Variants in APC observed in about 807,000 individuals in gnomAD.
The protein encoded by APC is adenomatous polyposis coli protein.
In APC, 72 loss-of-function variants were observed where a neutral mutation model predicts 247.0. That is an observed-to-expected ratio of 0.29 (90% CI 0.24 to 0.35). APC has a LOEUF of 0.35. APC is among the 10% of genes least tolerant of loss of function. The pLI, the probability that APC is intolerant of heterozygous loss-of-function variation, is 1.00. For missense variants in APC, 3,400 were observed against 3,360.7 expected (o/e 1.01, Z -0.29); for synonymous variants, 1,254 against 1,162.5 (o/e 1.08, Z -1.60).
At chr5:112,793,052 A>T (rs1187896859) in intron 7 of APC, among the ~76,000 whole-genome samples, 3 of 152,072 alleles carry the variant, frequency 2.0e-5, no homozygotes, top group African/African-American at 7.2e-5. Flanking sequence ...AAAAGTCATG[A>T]AGCAACTAGA....
chr5:112,802,963 A>G (rs1432261329), intron 8 of APC, among the ~76,000 whole-genome samples: 2 of 152,136 alleles, frequency 1.3e-5, no homozygotes, highest in African/African-American at 4.8e-5. Context: ...TTTAAAAATA[A>G]AATTAAAATG....
intron 15 of APC, among the ~76,000 whole-genome samples, 188 bp from the exon 16 acceptor site, chr5:112,837,365 G>A (rs1257681686): frequency 6.6e-6 from 1 of 151,850 alleles, no homozygotes; most frequent in Non-Finnish European, 1.5e-5. Context: ...ACTTTTTTTA[G>A]TGTGACAGAT....
intron 3 of APC, among the ~76,000 whole-genome samples, chr5:112,766,704 G>A (rs1443019078): frequency 6.6e-6 from 1 of 151,968 alleles, no homozygotes; most frequent in Admixed American, 6.6e-5. Context: ...CACTAAATAG[G>A]GCTTTAGTAT....
At chr5:112,784,412 T>C (rs1442810100) in intron 6 of APC, among the ~76,000 whole-genome samples, 2 of 152,216 alleles carry the variant, frequency 1.3e-5, no homozygotes, top group African/African-American at 4.8e-5. Flanking sequence ...GATACATTTT[T>C]GGAGGACAAT....
intron 11 of APC, among the ~76,000 whole-genome samples, chr5:112,825,431 C>T (rs1329194760): frequency 6.6e-6 from 1 of 152,168 alleles, no homozygotes; most frequent in African/African-American, 2.4e-5. Context: ...GGCATCTACC[C>T]ATGTTTATAG....
At chr5:112,824,264 C>T (rs1763425928) in intron 11 of APC, among the ~76,000 whole-genome samples, 1 of 152,126 alleles carries the variant, frequency 6.6e-6, no homozygotes, top group Admixed American at 6.6e-5. Context: ...ATGAAACATC[C>T]TGATTTTTCT....
At position 112,839,637 on chromosome 5, in the gene APC, G is replaced by C. The variant is rs876658599; in HGVS notation, c.4043G>C (p.Arg1348Thr). The change falls in exon 16 of 16, where the codon AGG becomes ACG. Residue 1348 changes from arginine (R) to threonine (T), a missense_variant. Arg to Thr is a moderately conservative substitution (Grantham distance 71). Transcript: ENST00000257430. The surrounding 1 kb of genome is among the most constrained non-coding windows in gnomAD (Gnocchi z 5.0). ...TCTAGTTTATCTTCAGAATCAGCCAGGCACAAAGCTGTTGAATTTTCTTCA... is the reference window on the plus strand; with the variant it reads ...TCTAGTTTATCTTCAGAATCAGCCACGCACAAAGCTGTTGAATTTTCTTCA... ...QGSSLSSESA[R>T]HKAVEFSSGA... The C allele has an allele frequency of 2.5e-6, 4 of 1,614,012 alleles. No homozygotes were observed. The highest frequency in any genetic ancestry group is 1.3e-5 in the African/African-American group (1 of 74,906).
At chr5:112,834,581 T>C (rs778899291) in intron 14 of APC, among the ~76,000 whole-genome samples, 2 of 152,130 alleles carry the variant, frequency 1.3e-5, no homozygotes, top group Non-Finnish European at 2.9e-5. Flanking sequence ...TCACTTTTTT[T>C]TTTCTTTTTT....
At position 112,836,610 on chromosome 5, in the gene APC, C is replaced by G. The variant is rs372954717; in HGVS notation, c.1959-943C>G. 2.6e-5 allele frequency among the ~76,000 whole-genome samples: 4 copies of G among 152,316 alleles called. No homozygotes were observed. In the South Asian group the frequency reaches 8.3e-4, roughly 32 times the overall value. On this transcript the variant is annotated intron_variant, in intron 15 of 15. Coordinates refer to ENST00000257430, the MANE Select transcript of APC (RefSeq NM_000038.6). ...GAGTTCATTATGCTGATTCTCACTC[C>G]TTGTTTTTATATGCCTTAAATGTTT...
At chr5:112,758,572 C>T (rs1236165969) in intron 2 of APC, among the ~76,000 whole-genome samples, 2 of 152,136 alleles carry the variant, frequency 1.3e-5, no homozygotes, top group African/African-American at 4.8e-5. Context: ...TGATCCACCG[C>T]CTCGGCCTCC....
rs144242405 is a variant in APC at position 112,766,689 on chromosome 5, C to T, written c.220+279C>T. On this transcript the variant is annotated intron_variant, in intron 3 of 15. Coordinates refer to ENST00000257430, the MANE Select transcript of APC (RefSeq NM_000038.6). ...CTTTGTAAAGCTTGTTGCTATTCTG[C>T]CAGTCACTAAATAGGGCTTTAGTAT... Among the ~76,000 whole-genome samples the T allele has an allele frequency of 4.4e-3, 673 of 152,244 alleles. 7 individuals are homozygous for T. The highest frequency in any genetic ancestry group is 0.016 in the African/African-American group (649 of 41,546).
intron 1 of APC, among the ~76,000 whole-genome samples, chr5:112,708,541 T>C (rs1179357377): frequency 2.0e-5 from 3 of 152,170 alleles, no homozygotes; most frequent in Non-Finnish European, 4.4e-5. Context: ...AGTGAAAGAA[T>C]TGGAAACTGT....
chr5:112,832,427 A>G lies in APC; in HGVS notation c.1744-2524A>G, dbSNP rs1764394449. Among the ~76,000 whole-genome samples the G allele has an allele frequency of 2.0e-5, 3 of 152,262 alleles. No homozygotes were observed. The South Asian group carries it at 6.2e-4, about 32-fold the overall frequency. On this transcript the variant is annotated intron_variant, in intron 14 of 15. Coordinates refer to ENST00000257430, the MANE Select transcript of APC (RefSeq NM_000038.6). ...AAAAGCACTCTATCTGCCTCCTACC[A>G]CTTATGTGACAAATTATGTCTAAAC...
At chr5:112,762,606 G>A (rs1390030740) in intron 2 of APC, among the ~76,000 whole-genome samples, 2 of 152,192 alleles carry the variant, frequency 1.3e-5, no homozygotes, top group Non-Finnish European at 2.9e-5. Flanking sequence ...CTTATGTACT[G>A]TGTGATTCCA....
intron 1 of APC, among the ~76,000 whole-genome samples, chr5:112,738,639 T>G (rs987809997): frequency 6.6e-6 from 1 of 152,222 alleles, no homozygotes; most frequent in African/African-American, 2.4e-5. Flanking sequence ...GCAGCAGTGC[T>G]TTTTCTCCCT....
In APC at chr5:112,840,398, C is replaced by A. The variant is rs1408572186; in HGVS notation, c.4804C>A (p.Pro1602Thr). The A allele has an allele frequency of 6.2e-7, 1 of 1,614,064 alleles. No individual in the cohort carries two copies. The highest frequency in any genetic ancestry group is 8.5e-7 in the Non-Finnish European group (1 of 1,180,028). The change falls in exon 16 of 16, where the codon CCT becomes ACT. Residue 1602 changes from proline to threonine, a missense_variant. Transcript: ENST00000257430. This position sits in a 1 kb window ranked among gnomAD's most constrained non-coding sequence, Gnocchi z 4.1. ...GCCAGCCCAGACTGCTTCAAAATTA[C>A]CTCCACCTGTGGCAAGGAAACCAAG... ...KKPAQTASKL[P>T]PPVARKPSQL... is the part of the protein sequence containing the mutation.
At chr5:112,780,419 C>T (rs1422273113) in intron 5 of APC, among the ~76,000 whole-genome samples, 1 of 152,056 alleles carries the variant, frequency 6.6e-6, no homozygotes, top group Non-Finnish European at 1.5e-5. Flanking sequence ...ATGTTGTCCA[C>T]GTTAATATGC....
At chr5:112,801,256 T>C in intron 7 of APC, 23 bp from the exon 8 acceptor site, 2 of 1,597,848 alleles carry the variant, frequency 1.3e-6, no homozygotes, top group Non-Finnish European at 1.7e-6. Flanking sequence ...TTGCATGTAC[T>C]GATGTTAACT....
At chr5:112,746,674 TGCC>T (rs1232411883) in intron 1 of APC, among the ~76,000 whole-genome samples, 1 of 152,154 alleles carries the variant, frequency 6.6e-6, no homozygotes, top group Admixed American at 6.5e-5. Context: ...CAAAGGAAAA[TGCC>T]TAAACATGTT....
Sources: gnomAD v4.1 joint callset for allele counts (sites outside exome capture counted in the v4.1 genomes callset) on GRCh38, gnomAD v4.1.1 for gene constraint, Gnocchi (gnomAD v3.1) non-coding constraint, MANE v1.5 for transcripts, NCBI Gene and HGNC (gene_info 2026-07-23, HGNC 2026-07-21) for gene names.